The following MAMLD1 variants were observed in gnomAD, a reference collection of about 807,000 sequenced individuals.
The protein encoded by MAMLD1 is mastermind-like domain-containing protein 1.
A neutral mutation model predicts 45.0 loss-of-function variants in MAMLD1; 14 were observed. The ratio of observed to expected loss-of-function variants is 0.31; its 90% CI spans 0.21 to 0.49. MAMLD1 has a LOEUF of 0.49. Ranked by LOEUF, MAMLD1 falls within the 20% of genes least tolerant of loss-of-function variation. The pLI is 0.99. For synonymous variants in MAMLD1, 254 were observed against 247.8 expected, an observed-to-expected ratio of 1.02 and a Z score of -0.24; for missense variants, 543 against 603.6, an observed-to-expected ratio of 0.90 and a Z score of 1.05.
intron 5 of MAMLD1, among the ~76,000 whole-genome samples, chrX:150,487,366 A>G: frequency 8.9e-6 from 1 of 112,408 alleles, no homozygotes. Flanking sequence ...AAAATGAAGG[A>G]CACCTTACAG....
chrX:150,417,095 G>C (rs2124542874), intron 1 of MAMLD1, among the ~76,000 whole-genome samples: 1 of 109,873 alleles, frequency 9.1e-6, no homozygotes, highest in African/African-American at 3.3e-5. Flanking sequence ...GTGCCATGCT[G>C]GTGTGCTGCA....
chrX:150,407,807 G>A (rs2124530899), intron 1 of MAMLD1, among the ~76,000 whole-genome samples: 1 of 112,622 alleles, frequency 8.9e-6, no homozygotes, highest in African/African-American at 3.2e-5. Context: ...TGAAATGCTT[G>A]TAAAACATTC....
At chrX:150,406,775 C>A (rs1211350319) in intron 1 of MAMLD1, among the ~76,000 whole-genome samples, 2 of 111,169 alleles carry the variant, frequency 1.8e-5, no homozygotes, top group Non-Finnish European at 3.8e-5. Flanking sequence ...GAAGAGTGGT[C>A]GAGGGTCTGA....
At chrX:150,405,656 C>T (rs73246824) in intron 1 of MAMLD1, among the ~76,000 whole-genome samples, 4 of 111,871 alleles carry the variant, frequency 3.6e-5, no homozygotes, top group Non-Finnish European at 5.6e-5. Context: ...ATGTTTTCCA[C>T]GCTTTGAGCA....
chrX:150,496,243 T>C (rs1170830546), intron 5 of MAMLD1, among the ~76,000 whole-genome samples: 2 of 112,381 alleles, frequency 1.8e-5, no homozygotes, highest in Non-Finnish European at 3.8e-5. Flanking sequence ...GTGAGGGTTA[T>C]GTTTTGAATA....
intron 1 of MAMLD1, among the ~76,000 whole-genome samples, chrX:150,445,176 T>C: frequency 8.9e-6 from 1 of 112,152 alleles, no homozygotes; most frequent in East Asian, 2.8e-4. Flanking sequence ...GTTATTTTAG[T>C]CACATGAAGC....
chrX:150,387,177 A>G (rs975540250), intron 1 of MAMLD1, among the ~76,000 whole-genome samples: 1 of 111,922 alleles, frequency 8.9e-6, no homozygotes, highest in Admixed American at 9.5e-5. Context: ...TCTAAGGATT[A>G]TATAGTTTTA....
intron 1 of MAMLD1, among the ~76,000 whole-genome samples, chrX:150,430,591 C>G (rs1341453664): frequency 8.9e-6 from 1 of 111,774 alleles, no homozygotes; most frequent in African/African-American, 3.3e-5. Context: ...TTTCCTAAAA[C>G]TTTTATAGTT....
At chrX:150,455,175 T>C (rs1350649691) in intron 2 of MAMLD1, among the ~76,000 whole-genome samples, 1 of 112,449 alleles carries the variant, frequency 8.9e-6, no homozygotes, top group Non-Finnish European at 1.9e-5. Context: ...AACGTGTGTT[T>C]ATGGCCAAAA....
intron 1 of MAMLD1, among the ~76,000 whole-genome samples, chrX:150,429,095 G>T (rs2034821159): frequency 9.0e-6 from 1 of 110,999 alleles, no homozygotes; most frequent in African/African-American, 3.3e-5. Context: ...GGAGATGCTG[G>T]GCCTATCTGG....
chrX:150,473,313 T>C (rs2036484474), intron 4 of MAMLD1, among the ~76,000 whole-genome samples: 1 of 112,369 alleles, frequency 8.9e-6, no homozygotes, highest in South Asian at 3.7e-4. Flanking sequence ...CATTTCCCAC[T>C]GTGCCTCCCT....
chrX:150,493,816 AG>A lies in MAMLD1; in HGVS notation c.2041-9457del, dbSNP rs1235252386. ...TATTTTATGACTTTCTGATTATAAG[AG>A]TAATATGTGCTCTTTGTAGTAAACT... On this transcript the variant is annotated intron_variant, in intron 5 of 7. Coordinates refer to ENST00000370401, the MANE Select transcript of MAMLD1 (RefSeq NM_005491.5). Among the ~76,000 whole-genome samples, 37 of 112,272 alleles carry A rather than the reference AG, an allele frequency of 3.3e-4. No individual in the cohort carries two copies. The Admixed American group carries it at 3.5e-3, about 11-fold the overall frequency.
At chrX:150,420,169 C>T (rs2034438733) in intron 1 of MAMLD1, among the ~76,000 whole-genome samples, 1 of 46,997 alleles carries the variant, frequency 2.1e-5, no homozygotes, top group Admixed American at 2.9e-4. Flanking sequence ...AACTTCCCTT[C>T]TCGCTTCATT....
At chrX:150,446,545 G>A (rs1557404802) in intron 2 of MAMLD1, among the ~76,000 whole-genome samples, 1 of 112,575 alleles carries the variant, frequency 8.9e-6, no homozygotes, top group Non-Finnish European at 1.9e-5. Flanking sequence ...GGATGGAGGT[G>A]ATTGAAATCT....
At position 150,443,897 on chromosome X, in the gene MAMLD1, G is replaced by A. The variant is rs1028217645; in HGVS notation, c.-63-1557G>A. 8.0e-5 allele frequency among the ~76,000 whole-genome samples: 9 copies of A among 111,918 alleles called. No individual in the cohort carries two copies. In the East Asian group the frequency reaches 8.4e-4, roughly 10 times the overall value. ...TGTCATCTTGCTGTTGGCATCTGCCGATAATATTTTCCATTCCATTTGATA... is the reference window on the plus strand; with the variant it reads ...TGTCATCTTGCTGTTGGCATCTGCCAATAATATTTTCCATTCCATTTGATA... On this transcript the variant is annotated intron_variant, in intron 1 of 7. Transcript: ENST00000370401.
intron 5 of MAMLD1, among the ~76,000 whole-genome samples, chrX:150,495,385 C>A (rs1313927345): frequency 1.8e-5 from 2 of 112,270 alleles, no homozygotes; most frequent in Non-Finnish European, 3.8e-5. Context: ...ATGTGTAGAG[C>A]CCACCACCAT....
chrX:150,367,112 G>A (rs1430455220), intron 1 of MAMLD1, among the ~76,000 whole-genome samples: 1 of 109,327 alleles, frequency 9.1e-6, no homozygotes, highest in East Asian at 3.0e-4. Context: ...AAAGCCTTTA[G>A]GAGATACAAG....
At chrX:150,440,444 T>G (rs62609022) in intron 1 of MAMLD1, among the ~76,000 whole-genome samples, 129 of 110,889 alleles carry the variant, frequency 1.2e-3, no homozygotes, top group Non-Finnish European at 1.3e-3. Context: ...CTAATTCTTC[T>G]TTAAACAACT....
chrX:150,487,596 G>T (rs1478020190), intron 5 of MAMLD1, among the ~76,000 whole-genome samples: 3 of 111,420 alleles, frequency 2.7e-5, no homozygotes, highest in African/African-American at 9.8e-5. Context: ...AGTAGCACTG[G>T]GTGAAGCTGT....
Sources: gnomAD v4.1 joint callset for allele counts (sites outside exome capture counted in the v4.1 genomes callset) on GRCh38, gnomAD v4.1.1 for gene constraint, MANE v1.5 for transcripts, NCBI Gene and HGNC (gene_info 2026-07-23, HGNC 2026-07-21) for gene names.